CTNNA2: variants seen among roughly 807,000 people sequenced by gnomAD.
CTNNA2 encodes catenin alpha-2.
In CTNNA2, 42 loss-of-function variants were observed where a neutral mutation model predicts 101.0. The observed-to-expected ratio is 0.42, with a 90% CI of 0.32 to 0.54. The LOEUF is 0.54. Ranked by LOEUF, CTNNA2 falls within the 20% of genes least tolerant of loss-of-function variation. The probability of loss-of-function intolerance (pLI) is 0.14; values close to 1 mark genes in which losing one functional copy is unlikely to be tolerated. For synonymous variants in CTNNA2, 450 were observed against 456.4 expected (o/e 0.99, Z 0.18); for missense variants, 871 against 1,223.1 (o/e 0.71, Z 4.29).
At chr2:80,336,463 T>C (rs532256114) in intron 7 of CTNNA2, among the ~76,000 whole-genome samples, 1 of 152,326 alleles carries the variant, frequency 6.6e-6, no homozygotes, top group African/African-American at 2.4e-5. Flanking sequence ...CTGTCCATCC[T>C]ATTTTTGAAG....
At chr2:79,217,133 G>A (rs1349865192) in intron 2 of CTNNA2, among the ~76,000 whole-genome samples, 6 of 152,176 alleles carry the variant, frequency 3.9e-5, no homozygotes, top group Admixed American at 3.9e-4. Context: ...AGAGAGGTTG[G>A]AGAAGAGAGT....
chr2:79,765,562 C>T (rs1673093194), intron 3 of CTNNA2, among the ~76,000 whole-genome samples: 1 of 152,124 alleles, frequency 6.6e-6, no homozygotes, highest in South Asian at 2.1e-4. Flanking sequence ...CTACTGGACT[C>T]CTAGACTGCC....
chr2:79,340,707 G>A lies in CTNNA2; in HGVS notation c.-318+27911G>A, dbSNP rs921721590. ...ATTTAGCCAGGCGTGGGTTGCAGGCGCCTGTAGTCCCAGCTACTGGGGAGG... is the reference window on the plus strand; with the variant it reads ...ATTTAGCCAGGCGTGGGTTGCAGGCACCTGTAGTCCCAGCTACTGGGGAGG... On this transcript the variant is annotated intron_variant, in intron 3 of 21. Transcript: ENST00000466387. Among the ~76,000 whole-genome samples, 5 of 151,836 alleles carry A rather than the reference G, an allele frequency of 3.3e-5. No homozygotes were observed. In the East Asian group the frequency reaches 9.7e-4, roughly 30 times the overall value.
At chr2:79,858,768 G>A (rs1681347402) in intron 4 of CTNNA2, among the ~76,000 whole-genome samples, 1 of 152,014 alleles carries the variant, frequency 6.6e-6, no homozygotes, top group African/African-American at 2.4e-5. Context: ...TTCTCTGGGT[G>A]GGCACATACT....
chr2:80,647,613 CA>C lies in CTNNA2; in HGVS notation c.2604del (p.Ala869LeufsTer4). ...MLDSATSLIQ[A>X]AKNLMNAVVL... ...GACAGTGCCACATCGCTTATCCAGGCAGCTAAAAACCTGATGAATGCTGTTG... is the reference window on the plus strand; with the variant it reads ...GACAGTGCCACATCGCTTATCCAGGCGCTAAAAACCTGATGAATGCTGTTG... On this transcript the variant is annotated frameshift_variant, in exon 19 of 19. Coordinates refer to ENST00000402739, the MANE Select transcript of CTNNA2 (RefSeq NM_001282597.3). LOFTEE classifies it high-confidence loss of function. The C allele has an allele frequency of 6.2e-7, 1 of 1,612,772 alleles. No individual in the cohort carries two copies. The highest frequency in any genetic ancestry group is 8.5e-7 in the Non-Finnish European group (1 of 1,179,134).
intron 7 of CTNNA2, among the ~76,000 whole-genome samples, chr2:80,376,466 G>GAA (rs5832451): frequency 0.018 from 2,245 of 125,578 alleles, 60 homozygotes; most frequent in East Asian, 0.14. Flanking sequence ...GTAGAAACAG[G>GAA]AAAAAAAAAA....
At chr2:79,881,093 G>T (rs1683391617) in intron 6 of CTNNA2, among the ~76,000 whole-genome samples, 1 of 152,252 alleles carries the variant, frequency 6.6e-6, no homozygotes, top group South Asian at 2.1e-4. Flanking sequence ...CTCAGGAGTA[G>T]GTTGTTCAAT....
At chr2:80,375,205 C>G (rs1005979612) in intron 7 of CTNNA2, among the ~76,000 whole-genome samples, 3 of 151,982 alleles carry the variant, frequency 2.0e-5, no homozygotes, top group Non-Finnish European at 2.9e-5. Flanking sequence ...CACAGGAGAA[C>G]GGACACAAGG....
At chr2:79,963,777 T>TTACCTTAGCTGGTATATTTC (rs1323700727) in intron 7 of CTNNA2, among the ~76,000 whole-genome samples, 2 of 152,206 alleles carry the variant, frequency 1.3e-5, no homozygotes, top group Non-Finnish European at 2.9e-5. Flanking sequence ...TAAATGCATC[T>TTACCTTAGCTGGTATATTTC]TACCTTAGCT....
intron 1 of CTNNA2, among the ~76,000 whole-genome samples, chr2:79,610,352 C>T (rs1033766518): frequency 6.6e-6 from 1 of 152,080 alleles, no homozygotes. Context: ...CTTTGAAAAG[C>T]AGTTTTCCAC....
intron 7 of CTNNA2, among the ~76,000 whole-genome samples, chr2:80,138,776 C>T (rs917581258): frequency 2.0e-5 from 3 of 152,150 alleles, no homozygotes; most frequent in Non-Finnish European, 4.4e-5. Context: ...TAAAGCATTT[C>T]ATTTAGCACA....
chr2:79,270,560 T>C (rs1573008791), intron 2 of CTNNA2, among the ~76,000 whole-genome samples: 1 of 152,042 alleles, frequency 6.6e-6, no homozygotes, highest in South Asian at 2.1e-4. Context: ...ACAGGCTGGG[T>C]GCCTATTCCC....
At chr2:80,078,774 A>G (rs1335528208) in intron 7 of CTNNA2, among the ~76,000 whole-genome samples, 1 of 152,112 alleles carries the variant, frequency 6.6e-6, no homozygotes, top group Non-Finnish European at 1.5e-5. Context: ...TCATTTTGCC[A>G]GGGGCATTTG....
At chr2:80,317,815 G>A (rs1678274832) in intron 7 of CTNNA2, among the ~76,000 whole-genome samples, 1 of 152,120 alleles carries the variant, frequency 6.6e-6, no homozygotes, top group Admixed American at 6.5e-5. Context: ...TTGAAGTCAT[G>A]GGAATAGGCA....
At chr2:80,055,420 C>T (rs1270521045) in intron 7 of CTNNA2, among the ~76,000 whole-genome samples, 2 of 152,136 alleles carry the variant, frequency 1.3e-5, no homozygotes, top group African/African-American at 4.8e-5. Flanking sequence ...TAATCCCTTG[C>T]CCTCCCCAGC....
chr2:80,107,666 T>C (rs1311871501), intron 7 of CTNNA2, among the ~76,000 whole-genome samples: 2 of 152,236 alleles, frequency 1.3e-5, no homozygotes, highest in Non-Finnish European at 2.9e-5. Flanking sequence ...ACACTGGCAC[T>C]TTGCCCTTGC....
At chr2:80,033,872 A>G (rs1350215846) in intron 7 of CTNNA2, among the ~76,000 whole-genome samples, 1 of 152,072 alleles carries the variant, frequency 6.6e-6, no homozygotes, top group Non-Finnish European at 1.5e-5. Context: ...TCATTCAGTA[A>G]AAATTGTAGC....
At chr2:79,251,717 A>T (rs564003542) in intron 2 of CTNNA2, among the ~76,000 whole-genome samples, 82 of 152,160 alleles carry the variant, frequency 5.4e-4, no homozygotes, top group Middle Eastern at 6.8e-3. Context: ...GTCAGCTTTG[A>T]ACTGGGTCCT....
chr2:79,718,985 C>T (rs12990406), intron 2 of CTNNA2, among the ~76,000 whole-genome samples: 25,365 of 152,034 alleles, frequency 0.17, 2,419 homozygotes, highest in Middle Eastern at 0.23. Flanking sequence ...TATATTGCTT[C>T]CAGGTAGTGA....
Sources: gnomAD v4.1 joint callset for allele counts (sites outside exome capture counted in the v4.1 genomes callset) on GRCh38, gnomAD v4.1.1 for gene constraint, MANE v1.5 for transcripts, NCBI Gene and HGNC (gene_info 2026-07-23, HGNC 2026-07-21) for gene names.